CELF1: variants seen among roughly 807,000 people sequenced by gnomAD.
CELF1 encodes the protein CUGBP Elav-like family member 1.
CELF1 carries 10 observed loss-of-function variants against 61.8 expected under a neutral mutation model. That is an observed-to-expected ratio of 0.16 (90% CI 0.10 to 0.27). The LOEUF (loss-of-function observed/expected upper bound fraction) is 0.27, where lower values mean the gene tolerates loss of function less well. Ranked by LOEUF, CELF1 falls within the 10% of genes least tolerant of loss-of-function variation. CELF1 has a pLI of 1.00. For synonymous variants in CELF1, 236 were observed against 225.1 expected (o/e 1.05, Z -0.43); for missense variants, 380 against 639.1 (o/e 0.59, Z 4.37).
chr11:47,548,293 C>T (rs972819873), intron 1 of CELF1, among the ~76,000 whole-genome samples: 7 of 150,878 alleles, frequency 4.6e-5, no homozygotes, highest in African/African-American at 2.4e-5. Context: ...AGTGAGACTC[C>T]GTCTCAAAAA....
At chr11:47,526,960 A>G (rs2096266256) in intron 1 of CELF1, among the ~76,000 whole-genome samples, 1 of 151,982 alleles carries the variant, frequency 6.6e-6, no homozygotes, top group Non-Finnish European at 1.5e-5. Context: ...CTGAGGCAGG[A>G]GAATCACTTG....
intron 1 of CELF1, among the ~76,000 whole-genome samples, chr11:47,531,472 G>C (rs1373878545): frequency 1.3e-5 from 2 of 152,084 alleles, no homozygotes; most frequent in Non-Finnish European, 2.9e-5. Context: ...TGGGGGCTGA[G>C]GTAGGAGAAT....
upstream of CELF1, among the ~76,000 whole-genome samples, chr11:47,556,398 T>A (rs1489295000): frequency 6.6e-6 from 1 of 152,214 alleles, no homozygotes; most frequent in Non-Finnish European, 1.5e-5. Context: ...TTGCCCAGGC[T>A]GATCTCAAAC....
rs980576236 is a variant in CELF1, at chr11:47,466,941, G to C, written c.*5289C>G. On this transcript the variant is annotated 3_prime_UTR_variant, in exon 15 of 15. Transcript: ENST00000687097. ...TTCCAGGAAATTCAGCAGCCTACCAGACACTGGGCCTCTGCCTGGCTGCCC... is the reference window on the plus strand; with the variant it reads ...TTCCAGGAAATTCAGCAGCCTACCACACACTGGGCCTCTGCCTGGCTGCCC... The C allele has an allele frequency of 6.6e-6, 1 of 152,272 alleles. No homozygotes were observed. Among genetic ancestry groups the C allele is most frequent in the Admixed American group, 6.5e-5 (1 of 15,272 alleles). The allele number at this position is 152,272 out of a possible 1,614,324, so 9.4% of individuals were successfully genotyped here.
Position 47,482,751 on chromosome 11 carries a change from C to A in CELF1, c.712G>T (p.Ala238Ser). 1 of 1,614,142 alleles carries A rather than the reference C, an allele frequency of 6.2e-7. No individual in the cohort carries two copies. Among genetic ancestry groups the A allele is most frequent in the Non-Finnish European group, 8.5e-7 (1 of 1,180,024 alleles). The change falls in exon 9 of 15, where the codon GCA (alanine) becomes TCA (serine). Residue 238 changes from alanine to serine, a missense_variant. Transcript: ENST00000687097. ...LQQQMQQISA[A>S]SVWGNLAGLN... is the part of the protein sequence containing the mutation. ...CCAGCAAGGTTTCCCCACACAGATG[C>A]TGCGCTGATTTGCTGCATCTGCTGC...
intron 6 of CELF1, 62 bp from the exon 7 acceptor site, chr11:47,484,585 T>C: frequency 6.7e-7 from 1 of 1,487,808 alleles, no homozygotes; most frequent in Non-Finnish European, 9.2e-7. Context: ...GTGGCACAGA[T>C]TTGGGAGCCA....
At chr11:47,483,962 A>G (rs1333729208) in intron 7 of CELF1, among the ~76,000 whole-genome samples, 1 of 152,212 alleles carries the variant, frequency 6.6e-6, no homozygotes, top group South Asian at 2.1e-4. Context: ...AGCAGGAAGC[A>G]GCAGGCCCAA....
chr11:47,477,696 A>G, intron 10 of CELF1: 1 of 330,754 alleles, frequency 3.0e-6, no homozygotes, highest in South Asian at 3.7e-5. Context: ...TAGGAAACCA[A>G]GAAAAACTGC....
rs141725300 is a variant in CELF1 at position 47,490,915 on chromosome 11, G to A, written c.72-1891C>T. ...CTCGCTCTGTCGCCCGGGCTGGAGT[G>A]CAATGGTGCCATCTCGGCTCACTGC... is the stretch of plus-strand genomic sequence containing the variant. On this transcript the variant is annotated intron_variant, in intron 3 of 14. Coordinates refer to ENST00000687097, the MANE Select transcript of CELF1 (RefSeq NM_001376376.1). 5.3e-4 allele frequency among the ~76,000 whole-genome samples: 79 copies of A among 150,322 alleles called. 3 individuals are homozygous for A. The highest frequency in any genetic ancestry group is 1.8e-3 in the African/African-American group (74 of 40,804).
chr11:47,519,299 T>C (rs2095734703), intron 1 of CELF1, among the ~76,000 whole-genome samples: 1 of 151,310 alleles, frequency 6.6e-6, no homozygotes, highest in Non-Finnish European at 1.5e-5. Context: ...GCCAACGGGG[T>C]GAAACCCCAT....
At chr11:47,516,667 C>G (rs2095572575) in intron 1 of CELF1, among the ~76,000 whole-genome samples, 1 of 151,402 alleles carries the variant, frequency 6.6e-6, no homozygotes, top group African/African-American at 2.4e-5. Flanking sequence ...GTGGCATGAT[C>G]TTGGCTCACT....
intron 1 of CELF1, among the ~76,000 whole-genome samples, chr11:47,507,063 G>A (rs2153581119): frequency 6.6e-6 from 1 of 152,268 alleles, no homozygotes; most frequent in East Asian, 1.9e-4. Flanking sequence ...TTAAAGATAA[G>A]TTGCATTTAA....
At chr11:47,492,784 G>A (rs2092073309) in intron 3 of CELF1, among the ~76,000 whole-genome samples, 1 of 152,094 alleles carries the variant, frequency 6.6e-6, no homozygotes, top group Non-Finnish European at 1.5e-5. Context: ...CCTACAACCT[G>A]TCCCGACAAC....
chr11:47,518,609 C>G (rs2095684879), intron 1 of CELF1, among the ~76,000 whole-genome samples: 1 of 152,170 alleles, frequency 6.6e-6, no homozygotes. Context: ...TATCTTGTCT[C>G]TCTCTCCCTT....
intron 1 of CELF1, among the ~76,000 whole-genome samples, chr11:47,517,686 CTT>C (rs1238114498): frequency 1.3e-5 from 2 of 151,348 alleles, no homozygotes; most frequent in Non-Finnish European, 2.9e-5. Flanking sequence ...AAGTTATGCT[CTT>C]GTTGCCCAGG....
intron 2 of CELF1, among the ~76,000 whole-genome samples, chr11:47,562,064 T>G (rs2097227353): frequency 6.6e-6 from 1 of 150,940 alleles, no homozygotes; most frequent in African/African-American, 2.4e-5. Context: ...CCGTCTCTAC[T>G]AAAAATACAA....
intron 2 of CELF1, among the ~76,000 whole-genome samples, chr11:47,558,146 C>T (rs1325609149): frequency 7.2e-5 from 11 of 151,964 alleles, no homozygotes; most frequent in Admixed American, 6.6e-4. Flanking sequence ...CGTGAGCCAC[C>T]GCGCATGGCC....
intron 1 of CELF1, among the ~76,000 whole-genome samples, chr11:47,531,485 C>T (rs2096473091): frequency 6.6e-6 from 1 of 152,078 alleles, no homozygotes; most frequent in South Asian, 2.1e-4. Flanking sequence ...AGGAGAATTG[C>T]TTGAATCTGG....
Position 47,475,520 on chromosome 11 carries a change from T to A in CELF1, c.1089A>T (p.Gly363=). 1 of 1,613,828 alleles carries A rather than the reference T, an allele frequency of 6.2e-7. No homozygotes were observed. Among genetic ancestry groups the A allele is most frequent in the Non-Finnish European group, 8.5e-7 (1 of 1,179,950 alleles). The change falls in exon 13 of 15, where the codon GGA becomes GGT. Residue 363 remains glycine, a splice_region_variant and synonymous_variant. Coordinates refer to ENST00000687097, the MANE Select transcript of CELF1 (RefSeq NM_001376376.1). The part of the protein sequence containing the change: ...TAGLNVGSLA[G]MAALNGGLGS... ...CCAGGCCACCATTTAAAGCAGCCAT[T>A]CCTTGGTTGGAGGAAGAGAAGGATT...
Sources: allele counts gnomAD v4.1 joint callset (sites outside exome capture counted in the v4.1 genomes callset), GRCh38; gene constraint gnomAD v4.1.1; transcripts MANE v1.5; gene names NCBI Gene and HGNC (gene_info 2026-07-23, HGNC 2026-07-21).